The following ZHX3 variants were observed in gnomAD, a reference collection of about 807,000 sequenced individuals.
ZHX3 encodes zinc fingers and homeoboxes protein 3.
ZHX3 carries 20 observed loss-of-function variants against 64.5 expected under a neutral mutation model. The observed-to-expected ratio is 0.31, with a 90% CI of 0.22 to 0.45. ZHX3 has a LOEUF of 0.45. ZHX3 is among the 20% of genes least tolerant of loss of function. The pLI, the probability that ZHX3 is intolerant of heterozygous loss-of-function variation, is 1.00. For synonymous variants in ZHX3, 423 were observed against 461.6 expected (o/e 0.92, Z 1.07); for missense variants, 1,041 against 1,195.8 (o/e 0.87, Z 1.91).
In ZHX3 at chr20:41,304,705, A is replaced by C. The variant is rs564860318; in HGVS notation, c.-245+12804T>G. ...ATTTTGGGCAGACCAGCAGGCTAGA[A>C]ATGGAGGCAAGAATTGCTGTTGCAG... On this transcript the variant is annotated intron_variant, in intron 1 of 3. Coordinates refer to ENST00000683867, the MANE Select transcript of ZHX3 (RefSeq NM_001384317.1). Among the ~76,000 whole-genome samples, 8 of 152,330 alleles carry C rather than the reference A, an allele frequency of 5.3e-5. No individual in the cohort carries two copies. The South Asian group carries it at 1.7e-3, about 32-fold the overall frequency.
rs531446799 is a variant in ZHX3, at chr20:41,228,208, C to G, written c.-150-23142G>C. Among the ~76,000 whole-genome samples the G allele has an allele frequency of 6.6e-6, 1 of 152,272 alleles. No individual in the cohort carries two copies. The highest frequency in any genetic ancestry group is 6.5e-5 in the Admixed American group (1 of 15,302). ...AGATTTCCAAATCACCCTTGCCAGC[C>G]CTGACCTATCTACCAAGTTCCAAAT... On this transcript the variant is annotated intron_variant, in intron 2 of 3. Coordinates refer to ENST00000683867, the MANE Select transcript of ZHX3 (RefSeq NM_001384317.1). The surrounding 1 kb of genome is among the most constrained non-coding windows in gnomAD (Gnocchi z 4.6).
rs758136316 is a variant in ZHX3 at position 41,202,683 on chromosome 20, C to T, written c.2234G>A (p.Gly745Glu). ...TEANGRNEIP[G>E]LGACDPEDDE... ...ATCCTCAGGGTCACAGGCACCCAGC[C>T]CTGGAATCTCGTTCCTGCCATTGGC... is the stretch of plus-strand genomic sequence containing the variant. The change falls in exon 3 of 4, where the codon GGG becomes GAG. Residue 745 changes from glycine to glutamate, a missense_variant. Physicochemically the swap from Gly to Glu is moderately conservative, Grantham distance 98. Transcript: ENST00000683867. This position sits in a 1 kb window ranked among gnomAD's most constrained non-coding sequence, Gnocchi z 7.0. The T allele has an allele frequency of 6.2e-7, 1 of 1,614,106 alleles. No individual in the cohort carries two copies. The highest frequency in any genetic ancestry group is 8.5e-7 in the Non-Finnish European group (1 of 1,180,006).
chr20:41,262,621 C>T (rs1285096044), intron 2 of ZHX3, among the ~76,000 whole-genome samples: 1 of 152,216 alleles, frequency 6.6e-6, no homozygotes, highest in Non-Finnish European at 1.5e-5. Flanking sequence ...ATTTGCACAT[C>T]ATGCCACCTC....
chr20:41,304,190 T>A (rs1450445295), intron 1 of ZHX3, among the ~76,000 whole-genome samples: 1 of 152,182 alleles, frequency 6.6e-6, no homozygotes, highest in African/African-American at 2.4e-5. Context: ...CCTCACTAAA[T>A]GTTGGTATTT....
chr20:41,190,778 C>T (rs939857275), intron 3 of ZHX3, among the ~76,000 whole-genome samples: 1 of 152,162 alleles, frequency 6.6e-6, no homozygotes, highest in African/African-American at 2.4e-5. Flanking sequence ...TACTTTATTT[C>T]TCCTTCATTT....
At chr20:41,301,127 A>G (rs1248068382) in intron 1 of ZHX3, among the ~76,000 whole-genome samples, 1 of 152,172 alleles carries the variant, frequency 6.6e-6, no homozygotes, top group Admixed American at 6.5e-5. Flanking sequence ...AAGCCTGGCT[A>G]AGAACAGGGA....
chr20:41,232,290 T>TAA lies in ZHX3; in HGVS notation c.-150-27226_-150-27225dup, dbSNP rs78969599. 8.1e-6 allele frequency among the ~76,000 whole-genome samples: 1 copy of TAA among 123,486 alleles called. No homozygotes were observed. Among genetic ancestry groups the TAA allele is most frequent in the Non-Finnish European group, 1.8e-5 (1 of 56,984 alleles). The allele number at this position is 123,486 out of a possible 152,430, so 81.0% of individuals were successfully genotyped here. On this transcript the variant is annotated intron_variant, in intron 2 of 3. Transcript: ENST00000683867. The surrounding 1 kb of genome is among the most constrained non-coding windows in gnomAD (Gnocchi z 5.0). ...TTGAAAATGGACTTACGCTGCAGCA[T>TAA]AAAAAAAAAAAAAAGGTCTAGTTTT...
In ZHX3 at chr20:41,195,793, T is replaced by C. The variant is rs948150033; in HGVS notation, c.2860+6264A>G. On this transcript the variant is annotated intron_variant, in intron 3 of 3. Coordinates refer to ENST00000683867, the MANE Select transcript of ZHX3 (RefSeq NM_001384317.1). The surrounding 1 kb of genome is among the most constrained non-coding windows in gnomAD (Gnocchi z 4.2). The stretch of plus-strand genomic sequence containing the variant: ...TGCTTTCACTATGTGTCATAAGTTC[T>C]GGTATGCTGTGTTTTCATTTGTCTC... 2.0e-5 allele frequency among the ~76,000 whole-genome samples: 3 copies of C among 152,226 alleles called. No homozygotes were observed. The highest frequency in any genetic ancestry group is 4.4e-5 in the Non-Finnish European group (3 of 68,046).
chr20:41,215,646 G>A (rs188961253), intron 2 of ZHX3, among the ~76,000 whole-genome samples: 52 of 151,830 alleles, frequency 3.4e-4, no homozygotes, highest in African/African-American at 1.2e-3. Flanking sequence ...CATTAAAAAC[G>A]GAAATAGGCC....
chr20:41,304,570 T>G (rs1400274442), intron 1 of ZHX3, among the ~76,000 whole-genome samples: 1 of 149,106 alleles, frequency 6.7e-6, no homozygotes, highest in African/African-American at 2.4e-5. Flanking sequence ...ATGAAACAAC[T>G]ATATATATGT....
At chr20:41,275,650 G>A (rs573405479) in intron 1 of ZHX3, among the ~76,000 whole-genome samples, 1 of 152,182 alleles carries the variant, frequency 6.6e-6, no homozygotes, top group South Asian at 2.1e-4. Context: ...CACTCTCATG[G>A]CATGAGTTTT....
At chr20:41,275,281 T>C (rs1320306041) in intron 1 of ZHX3, among the ~76,000 whole-genome samples, 1 of 152,184 alleles carries the variant, frequency 6.6e-6, no homozygotes, top group East Asian at 1.9e-4. Flanking sequence ...TATTTTGCGA[T>C]CTATAATGAA....
chr20:41,288,792 C>T (rs530191881), intron 1 of ZHX3, among the ~76,000 whole-genome samples: 9 of 152,128 alleles, frequency 5.9e-5, no homozygotes, highest in African/African-American at 2.2e-4. Context: ...TAGCTGCAGG[C>T]ATTTTCATAC....
chr20:41,192,190 T>C (rs953066955), intron 3 of ZHX3, among the ~76,000 whole-genome samples: 4 of 152,120 alleles, frequency 2.6e-5, no homozygotes, highest in Non-Finnish European at 4.4e-5. Flanking sequence ...ATACAGGTAG[T>C]AGTGGCCAAG....
chr20:41,210,114 C>T (rs1330618555), intron 2 of ZHX3, among the ~76,000 whole-genome samples: 1 of 152,170 alleles, frequency 6.6e-6, no homozygotes, highest in Admixed American at 6.5e-5. Context: ...CATCACTGGC[C>T]ATCAGAGAAA....
intron 3 of ZHX3, among the ~76,000 whole-genome samples, chr20:41,196,463 TA>T (rs1432097293): frequency 3.4e-5 from 2 of 58,366 alleles, no homozygotes; most frequent in African/African-American, 1.6e-4. Flanking sequence ...TATATTTATA[TA>T]TAATATATAT....
intron 1 of ZHX3, among the ~76,000 whole-genome samples, chr20:41,296,606 C>T (rs1046588153): frequency 6.6e-6 from 1 of 152,210 alleles, no homozygotes; most frequent in Non-Finnish European, 1.5e-5. Context: ...TCTAAAACTA[C>T]AGGGGTCCTT....
intron 3 of ZHX3, among the ~76,000 whole-genome samples, chr20:41,196,474 T>TATA (rs2037618694): frequency 4.5e-4 from 17 of 37,908 alleles, no homozygotes; most frequent in East Asian, 3.5e-3. Context: ...ATAATATATA[T>TATA]TTATATATTA....
At chr20:41,292,483 A>G (rs1856324577) in intron 1 of ZHX3, among the ~76,000 whole-genome samples, 1 of 152,228 alleles carries the variant, frequency 6.6e-6, no homozygotes, top group Admixed American at 6.5e-5. Context: ...ACAAAGGGCA[A>G]GAGAAAAGCA....
Sources: allele counts gnomAD v4.1 joint callset (sites outside exome capture counted in the v4.1 genomes callset), GRCh38; gene constraint gnomAD v4.1.1; non-coding constraint Gnocchi (gnomAD v3.1); transcripts MANE v1.5; gene names NCBI Gene and HGNC (gene_info 2026-07-23, HGNC 2026-07-21).